MPDZ: variants seen among roughly 807,000 people sequenced by gnomAD.
MPDZ encodes the protein multiple PDZ domain protein.
A neutral mutation model predicts 239.1 loss-of-function variants in MPDZ; 234 were observed. That is an observed-to-expected ratio of 0.98 (90% CI 0.88 to 1.09). The LOEUF is 1.09. Ranked by LOEUF, MPDZ falls within the 50% of genes least tolerant of loss-of-function variation. MPDZ has a pLI of 0.00. For missense variants in MPDZ, 3,175 were observed against 2,510.0 expected, an observed-to-expected ratio of 1.26 and a Z score of -5.66; for synonymous variants, 1,048 against 881.3, an observed-to-expected ratio of 1.19 and a Z score of -3.35.
At chr9:13,245,325 AAACG>A (rs1247734436) in intron 3 of MPDZ, among the ~76,000 whole-genome samples, 1 of 151,942 alleles carries the variant, frequency 6.6e-6, no homozygotes, top group Non-Finnish European at 1.5e-5. Context: ...GAGATTTAAA[AAACG>A]AATCACAGAC....
chr9:13,242,685 G>C (rs983498350), intron 3 of MPDZ, among the ~76,000 whole-genome samples: 3 of 152,046 alleles, frequency 2.0e-5, no homozygotes, highest in African/African-American at 7.2e-5. Context: ...GTTCTTCACA[G>C]TCTGGCTCCA....
rs560208273 is a variant in MPDZ at position 13,113,112 on chromosome 9, C to T, written c.5558-58G>A. On this transcript the variant is annotated intron_variant, in intron 41 of 46. Coordinates refer to ENST00000319217, the MANE Select transcript of MPDZ (RefSeq NM_001378778.1). ...TTTATGTTCATTCACTTTTTATGTT[C>T]GTTAAAATATCTAAAGCTGGATGGG... 9 of 1,439,506 alleles carry T rather than the reference C, an allele frequency of 6.3e-6. No homozygotes were observed. In the Admixed American group the frequency reaches 6.6e-5, roughly 10 times the overall value. 89.2% of individuals were successfully genotyped at this position (1,439,506 alleles called of 1,614,324 possible). A position where few individuals can be genotyped will look rare whatever the true frequency, so the allele number is the denominator to read the frequency against.
chr9:13,127,021 T>C (rs1945222211), intron 32 of MPDZ, among the ~76,000 whole-genome samples: 1 of 152,238 alleles, frequency 6.6e-6, no homozygotes, highest in South Asian at 2.1e-4. Context: ...CTGACATCTT[T>C]AGTAACTTTA....
intron 1 of MPDZ, among the ~76,000 whole-genome samples, chr9:13,273,438 T>C (rs1056830980): frequency 3.1e-4 from 47 of 152,360 alleles, no homozygotes; most frequent in Non-Finnish European, 6.8e-4. Flanking sequence ...AGGTATCCTA[T>C]GGAGCCACCT....
At chr9:13,186,758 A>C (rs1954165019) in intron 17 of MPDZ, among the ~76,000 whole-genome samples, 1 of 152,024 alleles carries the variant, frequency 6.6e-6, no homozygotes, top group African/African-American at 2.4e-5. Flanking sequence ...TGACTTCCTA[A>C]TATAGAAATG....
At chr9:13,165,486 A>G in intron 22 of MPDZ, 1 of 1,509,808 alleles carries the variant, frequency 6.6e-7, no homozygotes, top group Non-Finnish European at 8.9e-7. Flanking sequence ...TGAATGTGAG[A>G]TGCATACATA....
intron 30 of MPDZ, 143 bp from the exon 31 acceptor site, chr9:13,136,325 CT>C (rs869272418): frequency 0.079 from 12,244 of 155,244 alleles, 1 homozygote; most frequent in South Asian, 0.12. Context: ...CAAACGTTTT[CT>C]TTTTTTTTTT....
At chr9:13,114,712 T>C (rs1203786588) in intron 40 of MPDZ, among the ~76,000 whole-genome samples, 1 of 151,964 alleles carries the variant, frequency 6.6e-6, no homozygotes, top group East Asian at 1.9e-4. Flanking sequence ...CCAGCCTGGC[T>C]GACATGGCGA....
chr9:13,249,104 TCACA>T (rs199752806), intron 2 of MPDZ, among the ~76,000 whole-genome samples: 2,767 of 145,860 alleles, frequency 0.019, 38 homozygotes, highest in Non-Finnish European at 0.024. Context: ...GATCATGGGT[TCACA>T]CACACACACA....
At chr9:13,136,525 A>C (rs570367752) in intron 30 of MPDZ, among the ~76,000 whole-genome samples, 187 bp downstream of exon 30, 40 of 151,050 alleles carry the variant, frequency 2.6e-4, no homozygotes, top group African/African-American at 9.5e-4. Flanking sequence ...ACGGGATTTC[A>C]CCATGTAAGC....
chr9:13,222,040 A>C (rs1959166432), intron 6 of MPDZ, among the ~76,000 whole-genome samples, 193 bp downstream of exon 6: 2 of 152,126 alleles, frequency 1.3e-5, no homozygotes, highest in African/African-American at 4.8e-5. Flanking sequence ...CACAAAGAAA[A>C]GTAATTGTTG....
chr9:13,113,256 T>G (rs1034061962), intron 41 of MPDZ, among the ~76,000 whole-genome samples: 22 of 152,170 alleles, frequency 1.4e-4, no homozygotes, highest in African/African-American at 5.3e-4. Flanking sequence ...GTGTATACCA[T>G]CCCATTCTTC....
intron 19 of MPDZ, among the ~76,000 whole-genome samples, chr9:13,179,705 A>G (rs1273071364): frequency 6.6e-6 from 1 of 152,174 alleles, no homozygotes; most frequent in East Asian, 1.9e-4. Context: ...ACTTCACTTG[A>G]TATATTCTTG....
chr9:13,247,989 G>C (rs1564126053), intron 2 of MPDZ, among the ~76,000 whole-genome samples, 188 bp from the exon 3 acceptor site: 1 of 152,182 alleles, frequency 6.6e-6, no homozygotes, highest in African/African-American at 2.4e-5. Context: ...CACTTTGGGA[G>C]ACTGAGGCGG....
chr9:13,224,672 GA>G, intron 3 of MPDZ, 89 bp from the exon 4 acceptor site: 1 of 887,730 alleles, frequency 1.1e-6, no homozygotes. Flanking sequence ...ACATACAAAT[GA>G]AATTTCAAAA....
intron 23 of MPDZ, 30 bp from the exon 24 acceptor site, chr9:13,158,140 C>A (rs1276207272): frequency 6.4e-7 from 1 of 1,562,830 alleles, no homozygotes. Context: ...ATGAGTACCC[C>A]AAAATCCTAG....
At chr9:13,185,008 C>T (rs1000442629) in intron 18 of MPDZ, among the ~76,000 whole-genome samples, 1 of 151,914 alleles carries the variant, frequency 6.6e-6, no homozygotes, top group African/African-American at 2.4e-5. Context: ...GCTATTTCGT[C>T]GGGTACTTTA....
At chr9:13,242,838 T>C (rs1965746889) in intron 3 of MPDZ, among the ~76,000 whole-genome samples, 1 of 152,186 alleles carries the variant, frequency 6.6e-6, no homozygotes, top group Admixed American at 6.5e-5. Context: ...GAGGCTGTGC[T>C]GTACATTGAA....
intron 12 of MPDZ, among the ~76,000 whole-genome samples, chr9:13,203,723 T>C (rs1956653736): frequency 7.8e-6 from 1 of 128,734 alleles, no homozygotes; most frequent in Admixed American, 9.0e-5. Context: ...CCCCCATGTA[T>C]CCTGCCACAC....
Sources: allele counts gnomAD v4.1 joint callset (sites outside exome capture counted in the v4.1 genomes callset), GRCh38; gene constraint gnomAD v4.1.1; transcripts MANE v1.5; gene names NCBI Gene and HGNC (gene_info 2026-07-23, HGNC 2026-07-21).